ANO2: variants seen among roughly 807,000 people sequenced by gnomAD.
ANO2 encodes anoctamin 2, also known as anoctamin-2.
Under a neutral mutation model 124.2 loss-of-function variants are expected in ANO2, and 101 were observed. That is an observed-to-expected ratio of 0.81 (90% CI 0.69 to 0.96). The LOEUF is 0.96. Ranked by LOEUF, ANO2 falls within the 40% of genes least tolerant of loss-of-function variation. ANO2 has a pLI of 0.00. For missense variants in ANO2, 1,293 were observed against 1,274.5 expected (o/e 1.01, Z -0.22); for synonymous variants, 486 against 482.5 (o/e 1.01, Z -0.09).
At chr12:5,762,935 C>G (rs548780586) in intron 10 of ANO2, among the ~76,000 whole-genome samples, 4 of 151,950 alleles carry the variant, frequency 2.6e-5, no homozygotes, top group Admixed American at 6.5e-5. Context: ...ATTAAGAAAA[C>G]TGAGTCTTTT....
chr12:5,916,846 C>T (rs1862894478), intron 3 of ANO2, among the ~76,000 whole-genome samples: 1 of 152,044 alleles, frequency 6.6e-6, no homozygotes, highest in Non-Finnish European at 1.5e-5. Context: ...AGTTATTGTG[C>T]AGATCAGTGA....
At chr12:5,691,327 C>CAAAAAAAAAAAAAAAA (rs60573302) in intron 14 of ANO2, among the ~76,000 whole-genome samples, 1 of 86,996 alleles carries the variant, frequency 1.1e-5, no homozygotes, top group Non-Finnish European at 2.0e-5. Flanking sequence ...GACTCCATCT[C>CAAAAAAAAAAAAAAAA]AAAAAAAAAA....
intron 15 of ANO2, among the ~76,000 whole-genome samples, chr12:5,642,176 C>T (rs2110166): frequency 0.059 from 8,909 of 152,228 alleles, 371 homozygotes; most frequent in East Asian, 0.12. Flanking sequence ...TTTCAATTCT[C>T]TTTTCTGTCT....
chr12:5,615,703 A>T (rs1375253288), intron 16 of ANO2, among the ~76,000 whole-genome samples: 3 of 152,112 alleles, frequency 2.0e-5, no homozygotes, highest in African/African-American at 7.2e-5. Flanking sequence ...CCTGGTCAAA[A>T]AGCTTATTAG....
At chr12:5,906,466 G>A (rs61908390) in intron 3 of ANO2, among the ~76,000 whole-genome samples, 20,152 of 151,996 alleles carry the variant, frequency 0.13, 1,541 homozygotes, top group Middle Eastern at 0.26. Flanking sequence ...GAGCAGCCTG[G>A]TCAACAGCAT....
intron 3 of ANO2, among the ~76,000 whole-genome samples, chr12:5,894,750 C>G (rs1249655724): frequency 6.6e-6 from 1 of 152,178 alleles, no homozygotes; most frequent in Non-Finnish European, 1.5e-5. Flanking sequence ...AATAGGGAAT[C>G]CTTTCCCCAT....
intron 3 of ANO2, among the ~76,000 whole-genome samples, chr12:5,860,436 C>A (rs1353492328): frequency 1.3e-5 from 2 of 152,168 alleles, no homozygotes; most frequent in African/African-American, 4.8e-5. Flanking sequence ...TCAGCAGCCA[C>A]CACAGTACCT....
intron 4 of ANO2, among the ~76,000 whole-genome samples, chr12:5,851,629 G>A (rs1292577510): frequency 6.8e-6 from 1 of 146,510 alleles, no homozygotes. Flanking sequence ...AGATTGCAGT[G>A]AGCCGAGATC....
chr12:5,926,563 G>T (rs78937229), intron 1 of ANO2, among the ~76,000 whole-genome samples: 1 of 151,720 alleles, frequency 6.6e-6, no homozygotes, highest in Non-Finnish European at 1.5e-5. Flanking sequence ...CATTCTTCCC[G>T]CTGCCTGGAC....
chr12:5,854,610 T>C (rs756571426), intron 3 of ANO2, among the ~76,000 whole-genome samples: 1 of 152,206 alleles, frequency 6.6e-6, no homozygotes, highest in Non-Finnish European at 1.5e-5. Flanking sequence ...TCTACTGTCA[T>C]GCTGTTATAG....
At chr12:5,758,684 G>T (rs11063850) in intron 10 of ANO2, among the ~76,000 whole-genome samples, 60,510 of 152,024 alleles carry the variant, frequency 0.4, 13,363 homozygotes, top group East Asian at 0.59. Flanking sequence ...GTGCACTGAA[G>T]GTGACTCTTG....
intron 14 of ANO2, among the ~76,000 whole-genome samples, chr12:5,678,220 T>G (rs1948339406): frequency 6.6e-6 from 1 of 152,194 alleles, no homozygotes; most frequent in African/African-American, 2.4e-5. Context: ...GTCCTGACGC[T>G]GATTGAGAAA....
At chr12:5,743,773 C>T (rs1193584729) in intron 12 of ANO2, among the ~76,000 whole-genome samples, 2 of 152,128 alleles carry the variant, frequency 1.3e-5, no homozygotes, top group Admixed American at 6.5e-5. Flanking sequence ...TCTGTGACCA[C>T]GGCAGTCACT....
At chr12:5,644,713 A>G (rs113891427) in intron 15 of ANO2, among the ~76,000 whole-genome samples, 4 of 152,340 alleles carry the variant, frequency 2.6e-5, no homozygotes, top group African/African-American at 9.6e-5. Context: ...ATCACATCCA[A>G]GGTACATTCT....
In ANO2 at chr12:5,822,133, C is replaced by T. The variant is rs186898913; in HGVS notation, c.892+5636G>A. Among the ~76,000 whole-genome samples, 16 of 152,252 alleles carry T rather than the reference C, an allele frequency of 1.1e-4. No individual in the cohort carries two copies. The East Asian group carries it at 1.2e-3, about 11-fold the overall frequency. On this transcript the variant is annotated intron_variant, in intron 7 of 24. Transcript: ENST00000682330. ...AGGGAAATCTTCCCAGTGGGCACTT[C>T]GAGTAGTGCACCTGGTTGTGCACTT...
At chr12:5,819,772 A>C (rs1953724908) in intron 7 of ANO2, among the ~76,000 whole-genome samples, 1 of 152,202 alleles carries the variant, frequency 6.6e-6, no homozygotes, top group African/African-American at 2.4e-5. Context: ...GTCAGATCTA[A>C]CAGTGGGAAC....
chr12:5,613,525 C>T (rs1220541613), intron 17 of ANO2, among the ~76,000 whole-genome samples: 2 of 152,232 alleles, frequency 1.3e-5, no homozygotes, highest in East Asian at 3.9e-4. Flanking sequence ...TAAGACTGTG[C>T]AGGTCGGGGA....
intron 3 of ANO2, among the ~76,000 whole-genome samples, chr12:5,882,520 T>C (rs1236117762): frequency 6.6e-6 from 1 of 152,190 alleles, no homozygotes; most frequent in East Asian, 1.9e-4. Context: ...CAGCTTCAGG[T>C]CCTGGCCTGC....
chr12:5,629,699 C>T (rs1033110484), intron 16 of ANO2, among the ~76,000 whole-genome samples: 1 of 152,190 alleles, frequency 6.6e-6, no homozygotes, highest in Non-Finnish European at 1.5e-5. Flanking sequence ...TCCCACCCAT[C>T]CACTGGAATC....
Sources: gnomAD v4.1 joint callset for allele counts (sites outside exome capture counted in the v4.1 genomes callset) on GRCh38, gnomAD v4.1.1 for gene constraint, MANE v1.5 for transcripts, NCBI Gene and HGNC (gene_info 2026-07-23, HGNC 2026-07-21) for gene names.